Variants in RILPL1 observed in about 807,000 individuals in gnomAD.
The protein encoded by RILPL1 is RILP-like protein 1.
In RILPL1, 33 loss-of-function variants were observed where a neutral mutation model predicts 50.3. The observed-to-expected ratio is 0.66, with a 90% CI of 0.50 to 0.88. RILPL1 has a LOEUF of 0.88. RILPL1 is among the 40% of genes least tolerant of loss of function. The pLI is 0.00. For synonymous variants in RILPL1, 205 were observed against 228.6 expected, an observed-to-expected ratio of 0.90 and a Z score of 0.93; for missense variants, 418 against 542.5, an observed-to-expected ratio of 0.77 and a Z score of 2.28.
intron 2 of RILPL1, among the ~76,000 whole-genome samples, chr12:123,516,033 CAAAAAA>C (rs749657516): frequency 0.048 from 1,718 of 36,148 alleles, 34 homozygotes; most frequent in African/African-American, 0.14. Flanking sequence ...GACTCTGTCT[CAAAAAA>C]AAAAAAAAAA....
chr12:123,490,750 CT>C (rs36045938), intron 4 of RILPL1, among the ~76,000 whole-genome samples: 26,675 of 132,630 alleles, frequency 0.2, 2,440 homozygotes, highest in Middle Eastern at 0.25. Context: ...AAAGTCCTGA[CT>C]TTTTTTTTTT....
At chr12:123,511,171 GT>G (rs1172141272) in intron 2 of RILPL1, among the ~76,000 whole-genome samples, 1 of 141,810 alleles carries the variant, frequency 7.1e-6, no homozygotes, top group Non-Finnish European at 1.5e-5. Flanking sequence ...TGTGGTGTTT[GT>G]GTGAGGTCTG....
chr12:123,528,666 A>T (rs930523200), intron 1 of RILPL1, among the ~76,000 whole-genome samples: 1 of 151,948 alleles, frequency 6.6e-6, no homozygotes, highest in African/African-American at 2.4e-5. Flanking sequence ...TGACCTTGTG[A>T]TCCGCCCGCT....
At chr12:123,472,750 A>G (rs1881280813) in intron 6 of RILPL1, 68 bp from the exon 7 acceptor site, 13 of 1,530,866 alleles carry the variant, frequency 8.5e-6, no homozygotes, top group Non-Finnish European at 5.3e-6. Flanking sequence ...GTTTTTTGCA[A>G]TGCCGGAGAC....
At chr12:123,521,623 A>G (rs1437958215) in intron 2 of RILPL1, among the ~76,000 whole-genome samples, 3 of 6,916 alleles carry the variant, frequency 4.3e-4, no homozygotes, top group Admixed American at 1.5e-3. Flanking sequence ...ATATGTGTAT[A>G]TATATACACA....
chr12:123,499,397 G>A (rs774666400), intron 3 of RILPL1, 21 bp downstream of exon 3: 1 of 1,569,774 alleles, frequency 6.4e-7, no homozygotes, highest in Non-Finnish European at 8.8e-7. Flanking sequence ...GGTGGACGCA[G>A]GTCAGGGGTG....
At chr12:123,497,652 A>C (rs1883111587) in intron 4 of RILPL1, among the ~76,000 whole-genome samples, 1 of 152,112 alleles carries the variant, frequency 6.6e-6, no homozygotes, top group Non-Finnish European at 1.5e-5. Flanking sequence ...TCAGCCTCCC[A>C]AAGTGCTGGG....
chr12:123,526,907 G>C (rs1037905094), intron 1 of RILPL1, among the ~76,000 whole-genome samples: 2 of 152,134 alleles, frequency 1.3e-5, no homozygotes, highest in Admixed American at 1.3e-4. Flanking sequence ...CTCACACGGG[G>C]CTCAGAGAAT....
At chr12:123,521,105 G>A (rs1884984829) in intron 2 of RILPL1, among the ~76,000 whole-genome samples, 1 of 152,160 alleles carries the variant, frequency 6.6e-6, no homozygotes, top group Non-Finnish European at 1.5e-5. Context: ...CAGTAGGTTG[G>A]ACTGGATAAT....
At chr12:123,494,150 G>GA (rs1882880650) in intron 4 of RILPL1, among the ~76,000 whole-genome samples, 1 of 152,062 alleles carries the variant, frequency 6.6e-6, no homozygotes, top group Non-Finnish European at 1.5e-5. Flanking sequence ...CCAGCTGCGC[G>GA]AAACAGTGAA....
chr12:123,531,691 T>C (rs1165457157), intron 1 of RILPL1, among the ~76,000 whole-genome samples: 4 of 152,160 alleles, frequency 2.6e-5, no homozygotes, highest in African/African-American at 7.2e-5. Context: ...TTATATGTAT[T>C]TATATTAACT....
At chr12:123,507,584 A>G (rs1252479930) in intron 2 of RILPL1, among the ~76,000 whole-genome samples, 2 of 148,804 alleles carry the variant, frequency 1.3e-5, no homozygotes, top group African/African-American at 5.0e-5. Context: ...AAAAAGATGT[A>G]TGTGTGTATG....
In RILPL1 at chr12:123,533,347, C is replaced by A; in HGVS notation, c.136G>T (p.Gly46Cys). 1 of 1,579,970 alleles carries A rather than the reference C, an allele frequency of 6.3e-7. No individual in the cohort carries two copies. Among genetic ancestry groups the A allele is most frequent in the Non-Finnish European group, 8.6e-7 (1 of 1,165,372 alleles). The change falls in exon 1 of 7, where the codon GGC becomes TGC. Residue 46 changes from glycine to cysteine, a missense_variant. Physicochemically the swap from Gly to Cys is radical, Grantham distance 159. Transcript: ENST00000376874. This position sits in a 1 kb window ranked among gnomAD's most constrained non-coding sequence, Gnocchi z 6.2. ...ATGAGGCGCGCGATGGCCTCGCAGC[C>A]GTGCTGGTCAATGACCCGCTCGAAC... ...HEFERVIDQH[G>C]CEAIARLMPK...
At chr12:123,493,784 CT>C (rs34062051) in intron 4 of RILPL1, among the ~76,000 whole-genome samples, 31,124 of 134,212 alleles carry the variant, frequency 0.23, 3,492 homozygotes, top group African/African-American at 0.29. Flanking sequence ...GGCCCTGCCT[CT>C]TTTTTTTTTT....
At chr12:123,500,147 G>T (rs1171622845) in intron 2 of RILPL1, among the ~76,000 whole-genome samples, 1 of 151,840 alleles carries the variant, frequency 6.6e-6, no homozygotes, top group Non-Finnish European at 1.5e-5. Flanking sequence ...AGCCAGGATG[G>T]TCTCGATCTC....
Position 123,533,053 on chromosome 12 carries a change from G to C in RILPL1, c.309+121C>G. On this transcript the variant is annotated intron_variant, in intron 1 of 6. Transcript: ENST00000376874. The surrounding 1 kb of genome is among the most constrained non-coding windows in gnomAD (Gnocchi z 6.2). ...GGGCCTCCCTCCCTCCCCACGTCGG[G>C]TCTCCTCTGGTCCGGTCCCTGAACA... 9.2e-7 allele frequency: 1 copy of C among 1,084,084 alleles called. No individual in the cohort carries two copies. The highest frequency in any genetic ancestry group is 1.6e-5 in the African/African-American group (1 of 62,724). 67.2% of individuals were successfully genotyped at this position (1,084,084 alleles called of 1,614,324 possible).
At chr12:123,482,318 C>G (rs1343132686) in intron 6 of RILPL1, among the ~76,000 whole-genome samples, 1 of 152,170 alleles carries the variant, frequency 6.6e-6, no homozygotes, top group Non-Finnish European at 1.5e-5. Flanking sequence ...TTATCTCTAA[C>G]CAGAACTGGG....
intron 2 of RILPL1, chr12:123,513,370 T>C: frequency 2.5e-6 from 1 of 393,682 alleles, no homozygotes; most frequent in Non-Finnish European, 5.3e-6. Flanking sequence ...ATTTACTCCT[T>C]GCTGGGGCTG....
chr12:123,528,502 A>G (rs1346944297), intron 1 of RILPL1, among the ~76,000 whole-genome samples: 2 of 149,136 alleles, frequency 1.3e-5, no homozygotes, highest in Non-Finnish European at 3.0e-5. Context: ...ATCTCGGCTC[A>G]CTGCAAGCTC....
Sources: gnomAD v4.1 joint callset for allele counts (sites outside exome capture counted in the v4.1 genomes callset) on GRCh38, gnomAD v4.1.1 for gene constraint, Gnocchi (gnomAD v3.1) non-coding constraint, MANE v1.5 for transcripts, NCBI Gene and HGNC (gene_info 2026-07-23, HGNC 2026-07-21) for gene names.